DLGAP1: variants seen among roughly 807,000 people sequenced by gnomAD.
The protein encoded by DLGAP1 is disks large-associated protein 1.
DLGAP1 carries 11 observed loss-of-function variants against 90.8 expected under a neutral mutation model. The ratio of observed to expected loss-of-function variants is 0.12; its 90% CI spans 0.08 to 0.20. DLGAP1 has a LOEUF of 0.20. DLGAP1 is among the 10% of genes least tolerant of loss of function. The pLI is 1.00. For synonymous variants in DLGAP1, 558 were observed against 540.7 expected (o/e 1.03, Z -0.44); for missense variants, 1,050 against 1,333.8 (o/e 0.79, Z 3.31).
intron 4 of DLGAP1, among the ~76,000 whole-genome samples, chr18:3,843,998 G>A (rs1225950153): frequency 6.6e-6 from 1 of 152,124 alleles, no homozygotes; most frequent in Non-Finnish European, 1.5e-5. Context: ...CATATGAAAT[G>A]TGAACAATTT....
At chr18:3,954,664 A>G (rs914819583) in intron 3 of DLGAP1, among the ~76,000 whole-genome samples, 3 of 152,200 alleles carry the variant, frequency 2.0e-5, no homozygotes, top group Non-Finnish European at 4.4e-5. Context: ...ATGATGATAA[A>G]TACAAGATTA....
At chr18:3,545,762 G>T (rs1333206411) in intron 9 of DLGAP1, among the ~76,000 whole-genome samples, 1 of 152,028 alleles carries the variant, frequency 6.6e-6, no homozygotes. Context: ...AAAGTAAAAG[G>T]ATGAAAAAAG....
intron 7 of DLGAP1, among the ~76,000 whole-genome samples, chr18:3,588,910 C>T (rs895784324): frequency 2.6e-5 from 4 of 152,146 alleles, no homozygotes; most frequent in Non-Finnish European, 5.9e-5. Context: ...CGGCCAGGCG[C>T]GGTGGCTTAT....
chr18:3,782,299 G>T (rs1201311318), intron 5 of DLGAP1, among the ~76,000 whole-genome samples: 1 of 152,064 alleles, frequency 6.6e-6, no homozygotes, highest in African/African-American at 2.4e-5. Flanking sequence ...ACCACGCCTG[G>T]CTAATTTTTG....
chr18:4,287,601 C>T lies in DLGAP1; in HGVS notation c.-266-136314G>A, dbSNP rs548981809. On this transcript the variant is annotated intron_variant, in intron 1 of 12. Coordinates refer to ENST00000315677, the MANE Select transcript of DLGAP1 (RefSeq NM_004746.4). The stretch of plus-strand genomic sequence containing the variant: ...GGCAAAGTAAAACAGGAACAGAAAA[C>T]GAAACACCACATGTTCTCACTCATA... Among the ~76,000 whole-genome samples, 9 of 152,144 alleles carry T rather than the reference C, an allele frequency of 5.9e-5. No individual in the cohort carries two copies. In the South Asian group the frequency reaches 1.0e-3, roughly 18 times the overall value.
rs534192679 is a variant in DLGAP1 at position 3,500,551 on chromosome 18, T to C, written c.2725-1157A>G. On this transcript the variant is annotated intron_variant, in intron 12 of 12. Coordinates refer to ENST00000315677, the MANE Select transcript of DLGAP1 (RefSeq NM_004746.4). Reference sequence around the variant, plus strand: ...CTAGTTCAACTTCTCACCCTGGAGCTACCCCACCGGCTGTCTAAGGTGGAG... The same window carrying C: ...CTAGTTCAACTTCTCACCCTGGAGCCACCCCACCGGCTGTCTAAGGTGGAG... Among the ~76,000 whole-genome samples, 7 of 152,280 alleles carry C rather than the reference T, an allele frequency of 4.6e-5. No homozygotes were observed. The South Asian group carries it at 1.5e-3, about 32-fold the overall frequency.
chr18:4,143,482 C>T (rs2076530134), intron 2 of DLGAP1, among the ~76,000 whole-genome samples: 1 of 151,706 alleles, frequency 6.6e-6, no homozygotes, highest in Non-Finnish European at 1.5e-5. Flanking sequence ...GTGGTGAGTG[C>T]TGCCAGGCCT....
chr18:4,044,313 G>A (rs2075017348), intron 2 of DLGAP1, among the ~76,000 whole-genome samples: 2 of 152,286 alleles, frequency 1.3e-5, no homozygotes, highest in Non-Finnish European at 2.9e-5. Flanking sequence ...TAAAAGGAGT[G>A]TAACTTCCAA....
intron 1 of DLGAP1, among the ~76,000 whole-genome samples, chr18:4,219,685 A>G (rs2078036401): frequency 6.6e-6 from 1 of 151,948 alleles, no homozygotes; most frequent in Non-Finnish European, 1.5e-5. Context: ...TCTAATTATA[A>G]TCTTCTGTTT....
intron 1 of DLGAP1, among the ~76,000 whole-genome samples, chr18:4,209,320 C>G (rs1054212877): frequency 6.6e-6 from 1 of 152,028 alleles, no homozygotes; most frequent in African/African-American, 2.4e-5. Flanking sequence ...GTTACTCTTT[C>G]CAGAAGACAA....
At chr18:3,702,637 T>A (rs1160512343) in intron 7 of DLGAP1, among the ~76,000 whole-genome samples, 3 of 152,070 alleles carry the variant, frequency 2.0e-5, no homozygotes, top group Non-Finnish European at 2.9e-5. Context: ...TTAGAAGTAA[T>A]CAGATACAAC....
intron 4 of DLGAP1, among the ~76,000 whole-genome samples, chr18:3,869,134 CA>C (rs1351649161): frequency 1.3e-5 from 2 of 149,006 alleles, no homozygotes; most frequent in African/African-American, 2.5e-5. Flanking sequence ...CGTATGAAAA[CA>C]AAAGCAAGTG....
chr18:3,602,447 T>C (rs2057098381), intron 7 of DLGAP1, among the ~76,000 whole-genome samples: 1 of 151,438 alleles, frequency 6.6e-6, no homozygotes, highest in South Asian at 2.1e-4. Context: ...TACAAAAAAT[T>C]AGCCGGGCGT....
At chr18:4,304,544 T>C (rs1205496154) in intron 1 of DLGAP1, among the ~76,000 whole-genome samples, 1 of 152,260 alleles carries the variant, frequency 6.6e-6, no homozygotes, top group East Asian at 1.9e-4. Flanking sequence ...TTGTCACTAC[T>C]GCAGATTTTA....
chr18:4,419,013 CA>C (rs1190809920), intron 1 of DLGAP1, among the ~76,000 whole-genome samples: 2 of 152,016 alleles, frequency 1.3e-5, no homozygotes, highest in Non-Finnish European at 2.9e-5. Context: ...TGCTGAAGAA[CA>C]AAGATAAGAA....
Position 3,711,565 on chromosome 18 carries a change from G to T in DLGAP1, c.1591+17570C>A, listed in dbSNP as rs1401922499. On this transcript the variant is annotated intron_variant, in intron 7 of 12. Transcript: ENST00000315677. This position sits in a 1 kb window ranked among gnomAD's most constrained non-coding sequence, Gnocchi z 4.0. Reference sequence around the variant, plus strand: ...GAATAAGACAGAAATCCAGCCGGGTGTGGTGGCTCATGCTTCTAATGCCGG... The same window carrying T: ...GAATAAGACAGAAATCCAGCCGGGTTTGGTGGCTCATGCTTCTAATGCCGG... 6.6e-6 allele frequency among the ~76,000 whole-genome samples: 1 copy of T among 152,226 alleles called. No individual in the cohort carries two copies. Among genetic ancestry groups the T allele is most frequent in the East Asian group, 1.9e-4 (1 of 5,198 alleles).
At chr18:3,607,735 C>G (rs2057389804) in intron 7 of DLGAP1, 2 of 152,108 alleles carry the variant, frequency 1.3e-5, no homozygotes, top group Admixed American at 1.3e-4. Context: ...TTGTTTGCCT[C>G]CTCATAACCA....
intron 2 of DLGAP1, among the ~76,000 whole-genome samples, chr18:4,050,008 C>A (rs7239902): frequency 0.037 from 5,607 of 152,196 alleles, 187 homozygotes; most frequent in African/African-American, 0.082. Flanking sequence ...TACTCTTTGC[C>A]AGCCTCTGTG....
At chr18:3,537,913 A>G (rs1369778792) in intron 9 of DLGAP1, among the ~76,000 whole-genome samples, 1 of 152,216 alleles carries the variant, frequency 6.6e-6, no homozygotes, top group Admixed American at 6.5e-5. Context: ...CAACTGTTTC[A>G]TATTCAGTAG....
Sources: gnomAD v4.1 joint callset for allele counts (sites outside exome capture counted in the v4.1 genomes callset) on GRCh38, gnomAD v4.1.1 for gene constraint, Gnocchi (gnomAD v3.1) non-coding constraint, MANE v1.5 for transcripts, NCBI Gene and HGNC (gene_info 2026-07-23, HGNC 2026-07-21) for gene names.